NOL4: variants seen among roughly 807,000 people sequenced by gnomAD.
The protein encoded by NOL4 is nucleolar protein 4.
In NOL4, 17 loss-of-function variants were observed where a neutral mutation model predicts 75.9. The ratio of observed to expected loss-of-function variants is 0.22; its 90% CI spans 0.15 to 0.34. The LOEUF (loss-of-function observed/expected upper bound fraction) is 0.34, where lower values mean the gene tolerates loss of function less well. Ranked by LOEUF, NOL4 falls within the 10% of genes least tolerant of loss-of-function variation. The probability of loss-of-function intolerance (pLI) is 1.00; values close to 1 mark genes in which losing one functional copy is unlikely to be tolerated. For missense variants in NOL4, 614 were observed against 793.5 expected, an observed-to-expected ratio of 0.77 and a Z score of 2.72; for synonymous variants, 292 against 289.9, an observed-to-expected ratio of 1.01 and a Z score of -0.07.
intron 6 of NOL4, among the ~76,000 whole-genome samples, chr18:34,016,445 T>C (rs2074698832): frequency 6.6e-6 from 1 of 152,088 alleles, no homozygotes; most frequent in Non-Finnish European, 1.5e-5. Context: ...CCGAAGTCCT[T>C]AAAATGACCT....
At chr18:34,122,794 C>T (rs917002975) in intron 2 of NOL4, among the ~76,000 whole-genome samples, 2 of 152,112 alleles carry the variant, frequency 1.3e-5, no homozygotes, top group Non-Finnish European at 2.9e-5. Context: ...TGCATACATG[C>T]AGGCACTTTA....
At chr18:34,142,769 A>T (rs2081231540) in intron 1 of NOL4, among the ~76,000 whole-genome samples, 1 of 152,158 alleles carries the variant, frequency 6.6e-6, no homozygotes, top group South Asian at 2.1e-4. Flanking sequence ...AACATGGCAC[A>T]TGTATACATA....
intron 1 of NOL4, among the ~76,000 whole-genome samples, chr18:34,216,963 C>T (rs1466770141): frequency 6.6e-6 from 1 of 151,918 alleles, no homozygotes; most frequent in Non-Finnish European, 1.5e-5. Flanking sequence ...CATCATCATC[C>T]TAGTTTTAGA....
intron 10 of NOL4, among the ~76,000 whole-genome samples, chr18:33,874,511 T>C (rs2063841412): frequency 6.6e-6 from 1 of 151,952 alleles, no homozygotes. Flanking sequence ...CTAATAAGCA[T>C]AGTTGCCAAC....
At chr18:34,166,673 T>C (rs890060244) in intron 1 of NOL4, among the ~76,000 whole-genome samples, 4 of 152,098 alleles carry the variant, frequency 2.6e-5, no homozygotes, top group African/African-American at 9.7e-5. Flanking sequence ...ACCTTTTGGG[T>C]CTGCAAGTTC....
chr18:33,949,754 T>C (rs2069082507), intron 8 of NOL4, among the ~76,000 whole-genome samples: 1 of 152,136 alleles, frequency 6.6e-6, no homozygotes, highest in Admixed American at 6.6e-5. Flanking sequence ...ATTTCATTTA[T>C]GAATTAATGA....
chr18:34,007,685 ACAT>A (rs1345086201), intron 6 of NOL4, among the ~76,000 whole-genome samples: 3 of 152,042 alleles, frequency 2.0e-5, no homozygotes, highest in Non-Finnish European at 4.4e-5. Context: ...TGTTCATTTT[ACAT>A]CATCATATTT....
intron 10 of NOL4, among the ~76,000 whole-genome samples, chr18:33,877,160 C>T (rs1280715707): frequency 1.3e-5 from 2 of 151,974 alleles, no homozygotes; most frequent in East Asian, 3.9e-4. Context: ...GAAGTGTACA[C>T]AGACAGCCTG....
intron 1 of NOL4, among the ~76,000 whole-genome samples, chr18:34,177,454 G>C (rs563520575): frequency 1.1e-4 from 16 of 151,996 alleles, no homozygotes; most frequent in Admixed American, 1.1e-3. Context: ...AAATAAATTT[G>C]TTAAAACTTC....
chr18:34,218,048 T>C (rs1403283377), intron 1 of NOL4, among the ~76,000 whole-genome samples: 1 of 150,628 alleles, frequency 6.6e-6, no homozygotes, highest in Admixed American at 6.6e-5. Flanking sequence ...ATTGTAAAAA[T>C]GAATATAACC....
At chr18:34,089,934 TAC>T (rs551114491) in intron 5 of NOL4, among the ~76,000 whole-genome samples, 3 of 151,246 alleles carry the variant, frequency 2.0e-5, no homozygotes, top group Non-Finnish European at 3.0e-5. Context: ...CTTACTGTGA[TAC>T]ACACACACAC....
intron 2 of NOL4, among the ~76,000 whole-genome samples, chr18:34,115,594 G>T (rs1039210298): frequency 6.6e-6 from 1 of 151,794 alleles, no homozygotes; most frequent in Admixed American, 6.6e-5. Flanking sequence ...CTGCCAGAGT[G>T]TCACACCCTA....
intron 9 of NOL4, among the ~76,000 whole-genome samples, chr18:33,927,048 T>C (rs183496063): frequency 1.3e-5 from 2 of 152,206 alleles, no homozygotes; most frequent in Non-Finnish European, 2.9e-5. Context: ...AAATGTCACT[T>C]ACATTTTCAT....
At chr18:33,871,561 A>C (rs774197975) in intron 10 of NOL4, among the ~76,000 whole-genome samples, 10 of 151,998 alleles carry the variant, frequency 6.6e-5, no homozygotes, top group Non-Finnish European at 1.5e-4. Flanking sequence ...CTGTTTAAAG[A>C]AAACAACCCA....
chr18:33,937,502 G>A (rs147634241), intron 9 of NOL4, among the ~76,000 whole-genome samples: 85 of 152,206 alleles, frequency 5.6e-4, no homozygotes, highest in Non-Finnish European at 1.0e-3. Flanking sequence ...ACTTTTGTGT[G>A]CCTACAGAAA....
chr18:34,144,927 A>G (rs1280745851), intron 1 of NOL4, among the ~76,000 whole-genome samples: 1 of 152,014 alleles, frequency 6.6e-6, no homozygotes, highest in Non-Finnish European at 1.5e-5. Context: ...CTGGACTTTC[A>G]CCAGTATGAG....
At chr18:33,906,102 A>G (rs763499106) in intron 9 of NOL4, among the ~76,000 whole-genome samples, 1 of 152,212 alleles carries the variant, frequency 6.6e-6, no homozygotes, top group Non-Finnish European at 1.5e-5. Context: ...TACGAGAGGA[A>G]TTTGGTGTAT....
chr18:34,048,671 G>T, intron 5 of NOL4: 1 of 913,022 alleles, frequency 1.1e-6, no homozygotes, highest in Non-Finnish European at 1.3e-6. Flanking sequence ...GGACTACTGA[G>T]ATGAGCCTTC....
Position 33,943,180 on chromosome 18 carries a change from TAAA to T in NOL4, c.1429-5_1429-3del, listed in dbSNP as rs530792420. ...AAGGTGGGAAGGAATAGGTCGAGAC[TAAA>T]AAAAAAAAGAGAAAAGTATGAAAAA... On this transcript the variant is annotated splice_region_variant and splice_polypyrimidine_tract_variant and intron_variant, in intron 8 of 10. Coordinates refer to ENST00000261592, the MANE Select transcript of NOL4 (RefSeq NM_003787.5). 6 of 1,283,512 alleles carry T rather than the reference TAAA, an allele frequency of 4.7e-6. No homozygotes were observed. The highest frequency in any genetic ancestry group is 2.9e-5 in the East Asian group (1 of 34,562). 79.5% of individuals were successfully genotyped at this position (1,283,512 alleles called of 1,614,324 possible).
Sources: gnomAD v4.1 joint callset for allele counts (sites outside exome capture counted in the v4.1 genomes callset) on GRCh38, gnomAD v4.1.1 for gene constraint, MANE v1.5 for transcripts, NCBI Gene and HGNC (gene_info 2026-07-23, HGNC 2026-07-21) for gene names.